Variants in NCALD observed in about 807,000 individuals in gnomAD.
NCALD encodes neurocalcin-delta.
Under a neutral mutation model 18.6 loss-of-function variants are expected in NCALD, and 10 were observed. That is an observed-to-expected ratio of 0.54 (90% confidence interval 0.33 to 0.91). The LOEUF (loss-of-function observed/expected upper bound fraction) is 0.91, where lower values mean the gene tolerates loss of function less well. Ranked by LOEUF, NCALD falls within the 40% of genes least tolerant of loss-of-function variation. The pLI, the probability that NCALD is intolerant of heterozygous loss-of-function variation, is 0.03. For synonymous variants in NCALD, 88 were observed against 87.4 expected, an observed-to-expected ratio of 1.01 and a Z score of -0.04; for missense variants, 184 against 247.6, an observed-to-expected ratio of 0.74 and a Z score of 1.72.
At chr8:102,050,735 G>A (rs1823414502) in intron 1 of NCALD, among the ~76,000 whole-genome samples, 1 of 144,466 alleles carries the variant, frequency 6.9e-6, no homozygotes, top group South Asian at 2.2e-4. Flanking sequence ...ATTTATATAT[G>A]AATTTTATAT....
intron 1 of NCALD, among the ~76,000 whole-genome samples, chr8:102,036,068 T>A (rs913418383): frequency 6.6e-6 from 1 of 151,326 alleles, no homozygotes; most frequent in Non-Finnish European, 1.5e-5. Flanking sequence ...GTAGGAGGAC[T>A]GCTTGAGGCC....
intron 2 of NCALD, among the ~76,000 whole-genome samples, chr8:101,919,893 T>C (rs745976618): frequency 1.3e-5 from 2 of 152,086 alleles, no homozygotes; most frequent in Admixed American, 6.6e-5. Context: ...AAGATGCTGG[T>C]GAGGCTACAA....
chr8:102,053,235 AT>A (rs542081848), intron 1 of NCALD, among the ~76,000 whole-genome samples: 495 of 152,294 alleles, frequency 3.3e-3, no homozygotes, highest in African/African-American at 0.011. Flanking sequence ...AGAAATCTTG[AT>A]TTTTTTAAAA....
intron 1 of NCALD, among the ~76,000 whole-genome samples, chr8:102,100,703 T>C (rs181556938): frequency 6.6e-6 from 1 of 152,298 alleles, no homozygotes; most frequent in East Asian, 1.9e-4. Context: ...ATACATACAG[T>C]GAGACATTAT....
intron 4 of NCALD, among the ~76,000 whole-genome samples, chr8:101,799,086 A>G (rs1436432478): frequency 1.3e-5 from 2 of 152,152 alleles, no homozygotes; most frequent in East Asian, 3.8e-4. Context: ...CATATAAAGA[A>G]CTCTCAAAAC....
At chr8:101,711,140 C>G in intron 2 of NCALD, among the ~76,000 whole-genome samples, 1 of 152,096 alleles carries the variant, frequency 6.6e-6, no homozygotes, top group East Asian at 1.9e-4. Flanking sequence ...TAGAGAGAAC[C>G]CCCAGCAAAC....
intron 1 of NCALD, among the ~76,000 whole-genome samples, chr8:102,111,831 T>C (rs1039139522): frequency 2.0e-5 from 3 of 152,132 alleles, no homozygotes; most frequent in Non-Finnish European, 2.9e-5. Flanking sequence ...AAATGATACA[T>C]ACATCTTCAC....
At chr8:102,066,357 G>A (rs1477631427) in intron 1 of NCALD, among the ~76,000 whole-genome samples, 1 of 152,228 alleles carries the variant, frequency 6.6e-6, no homozygotes, top group Admixed American at 6.5e-5. Context: ...CCCAAGGTAA[G>A]AGAAGGTTTG....
intron 1 of NCALD, among the ~76,000 whole-genome samples, chr8:101,760,138 A>G (rs1275188371): frequency 6.6e-6 from 1 of 152,202 alleles, no homozygotes; most frequent in Non-Finnish European, 1.5e-5. Context: ...GTTAGAGAAC[A>G]TCTCTTCCCA....
At chr8:101,880,618 A>G (rs1471036401) in intron 4 of NCALD, among the ~76,000 whole-genome samples, 1 of 152,264 alleles carries the variant, frequency 6.6e-6, no homozygotes, top group Non-Finnish European at 1.5e-5. Flanking sequence ...TGAATTGGAA[A>G]GTTTTTCAAA....
upstream of NCALD, among the ~76,000 whole-genome samples, chr8:101,791,905 T>C (rs1403199154): frequency 3.3e-5 from 5 of 152,198 alleles, no homozygotes; most frequent in Non-Finnish European, 7.4e-5. Context: ...ACATGTTTTC[T>C]AACATCAGCT....
intron 3 of NCALD, among the ~76,000 whole-genome samples, chr8:101,914,459 T>TC (rs752928766): frequency 1.3e-5 from 2 of 152,146 alleles, no homozygotes; most frequent in African/African-American, 2.4e-5. Flanking sequence ...AGTTACTTTT[T>TC]CCCCTCCCTT....
chr8:101,890,025 G>A (rs566163257), intron 3 of NCALD, among the ~76,000 whole-genome samples: 54 of 152,300 alleles, frequency 3.5e-4, no homozygotes, highest in Non-Finnish European at 5.3e-4. Context: ...ATTTGCAGCC[G>A]TAATATGAAG....
intron 1 of NCALD, among the ~76,000 whole-genome samples, chr8:101,758,783 G>A (rs989976086): frequency 6.6e-6 from 1 of 152,152 alleles, no homozygotes; most frequent in Non-Finnish European, 1.5e-5. Context: ...TTATATATCT[G>A]TTCATCTCTA....
intron 2 of NCALD, among the ~76,000 whole-genome samples, chr8:101,985,165 A>G (rs1468517175): frequency 6.6e-6 from 1 of 152,182 alleles, no homozygotes; most frequent in Non-Finnish European, 1.5e-5. Flanking sequence ...CCAACAAGCC[A>G]TGGAGGGGTG....
chr8:101,692,853 T>C lies in NCALD; in HGVS notation c.422A>G (p.Asp141Gly). ...MVSSVMKMPE[D>G]ESTPEKRTEK... ...TGTTCTTTTCTCTGGGGTTGACTCA[T>C]CTTCAGGCATTTTCATTACAGAGGA... Residue 141 changes from aspartate to glycine, a missense_variant, in exon 3 of 4, where the codon GAT (aspartate) becomes GGT (glycine). Physicochemically the swap from Asp to Gly is moderately conservative, Grantham distance 94. Transcript: ENST00000220931. 2 of 1,614,004 alleles carry C rather than the reference T, an allele frequency of 1.2e-6. No individual in the cohort carries two copies. The highest frequency in any genetic ancestry group is 1.7e-6 in the Non-Finnish European group (2 of 1,179,910).
chr8:101,735,538 C>A (rs1817039134), intron 1 of NCALD, among the ~76,000 whole-genome samples: 2 of 152,156 alleles, frequency 1.3e-5, no homozygotes, highest in Non-Finnish European at 2.9e-5. Flanking sequence ...GCAGGATATC[C>A]AGTTAAATTT....
intron 2 of NCALD, among the ~76,000 whole-genome samples, chr8:101,940,739 A>T (rs1818925238): frequency 6.6e-6 from 1 of 152,212 alleles, no homozygotes; most frequent in Admixed American, 6.5e-5. Context: ...AACATATTGG[A>T]TAAACTGCAC....
intron 2 of NCALD, among the ~76,000 whole-genome samples, chr8:101,918,773 C>CACACAG (rs1491392507): frequency 6.6e-6 from 1 of 150,876 alleles, no homozygotes; most frequent in African/African-American, 2.4e-5. Context: ...CACACACACA[C>CACACAG]AGATACCTAG....
Sources: gnomAD v4.1 joint callset for allele counts (sites outside exome capture counted in the v4.1 genomes callset) on GRCh38, gnomAD v4.1.1 for gene constraint, MANE v1.5 for transcripts, NCBI Gene and HGNC (gene_info 2026-07-23, HGNC 2026-07-21) for gene names.